The following UBA5 variants were observed in gnomAD, a reference collection of about 807,000 sequenced individuals.
UBA5 encodes the protein ubiquitin like modifier activating enzyme 5.
A neutral mutation model predicts 52.9 loss-of-function variants in UBA5; 28 were observed. That is an observed-to-expected ratio of 0.53 (90% CI 0.39 to 0.73). The LOEUF (loss-of-function observed/expected upper bound fraction) is 0.73. UBA5 is among the 30% of genes least tolerant of loss of function. The pLI, the probability that UBA5 is intolerant of heterozygous loss-of-function variation, is 0.00. For synonymous variants in UBA5, 135 were observed against 162.1 expected, an observed-to-expected ratio of 0.83 and a Z score of 1.27; for missense variants, 388 against 492.7, an observed-to-expected ratio of 0.79 and a Z score of 2.01.
Position 132,676,817 on chromosome 3 carries a change from G to C in UBA5, c.*291G>C, listed in dbSNP as rs1248477270. On this transcript the variant is annotated 3_prime_UTR_variant, in exon 12 of 12. Coordinates refer to ENST00000356232, the MANE Select transcript of UBA5 (RefSeq NM_024818.6). The surrounding 1 kb of genome is among the most constrained non-coding windows in gnomAD (Gnocchi z 4.1). ...AATGTTTTGGCCTTTTGGAGTGGGG[G>C]AAGGACAAATCTGATCCTGTAATCT... 6.2e-6 allele frequency: 3 copies of C among 484,124 alleles called. No homozygotes were observed. The highest frequency in any genetic ancestry group is 1.2e-5 in the Non-Finnish European group (3 of 245,280). 30.0% of individuals were successfully genotyped at this position (484,124 alleles called of 1,614,324 possible). A position where few individuals can be genotyped will look rare whatever the true frequency, so the allele number is the denominator to read the frequency against.
intron 4 of UBA5, 108 bp from the exon 5 acceptor site, chr3:132,670,087 CGAT>C (rs1472443022): frequency 6.5e-6 from 4 of 617,756 alleles, no homozygotes; most frequent in Non-Finnish European, 1.1e-5. Context: ...GCAGTGGGTG[CGAT>C]GATAGCTCGC....
chr3:132,660,279 A>G (rs1351051678), upstream of UBA5: 2 of 569,100 alleles, frequency 3.5e-6, no homozygotes, highest in South Asian at 4.1e-5. The surrounding 1 kb of genome is among the most constrained non-coding windows in gnomAD (Gnocchi z 4.1). Flanking sequence ...CCAGCGAGGA[A>G]GGAAGCCGAA....
rs2107954420 is a variant in UBA5 at position 132,677,460 on chromosome 3, G to A, written c.*934G>A. 6.6e-6 allele frequency: 1 copy of A among 152,422 alleles called. No homozygotes were observed. The highest frequency in any genetic ancestry group is 1.9e-4 in the East Asian group (1 of 5,190). The allele number at this position is 152,422 out of a possible 1,614,324, so 9.4% of individuals were successfully genotyped here. On this transcript the variant is annotated 3_prime_UTR_variant, in exon 12 of 12. Coordinates refer to ENST00000356232, the MANE Select transcript of UBA5 (RefSeq NM_024818.6). ...TTCTAAACTGCCTCTGCAATGACTT[G>A]TAGTCAGTGGAAGAGTATCACTTTC...
Position 132,678,473 on chromosome 3 carries a change from T to C in UBA5, c.*1947T>C, listed in dbSNP as rs1336919675. 1.3e-5 allele frequency among the ~76,000 whole-genome samples: 2 copies of C among 152,178 alleles called. No homozygotes were observed. Among genetic ancestry groups the C allele is most frequent in the Admixed American group, 6.5e-5 (1 of 15,268 alleles). Reference sequence around the variant, plus strand: ...GGCTTAGCACAGAGACTCTAAATGATAGTAAAACAACATATTCAACTTTAA... The same window carrying C: ...GGCTTAGCACAGAGACTCTAAATGACAGTAAAACAACATATTCAACTTTAA... On this transcript the variant is annotated 3_prime_UTR_variant, in exon 12 of 12. Coordinates refer to ENST00000356232, the MANE Select transcript of UBA5 (RefSeq NM_024818.6).
At position 132,675,827 on chromosome 3, in the gene UBA5, G is replaced by C; in HGVS notation, c.1035G>C (p.Leu345=). The change falls in exon 11 of 12, where the codon CTG becomes CTC. Residue 345 remains leucine, a synonymous_variant. Coordinates refer to ENST00000356232, the MANE Select transcript of UBA5 (RefSeq NM_024818.6). ...IHEDNEWGIE[L]VSEVSEEELK... ...GGATCAAATTTACAGGTATTGAGCT[G>C]GTATCTGAGGTTTCAGAAGAGGAAC... 1 of 1,609,402 alleles carries C rather than the reference G, an allele frequency of 6.2e-7. No homozygotes were observed. Among genetic ancestry groups the C allele is most frequent in the Non-Finnish European group, 8.5e-7 (1 of 1,178,122 alleles).
intron 1 of UBA5, among the ~76,000 whole-genome samples, chr3:132,665,124 T>G (rs148212754): frequency 6.6e-6 from 1 of 152,120 alleles, no homozygotes; most frequent in Admixed American, 6.5e-5. Context: ...GGATGAATGC[T>G]AAGAGCAAAA....
chr3:132,671,781 G>C lies in UBA5; in HGVS notation c.584G>C (p.Cys195Ser), dbSNP rs1179290110. ...TTTTCACCCATTTCTACTAAGGCTT[G>C]TAATGAACTTGGACAAACATGGATG... The part of the protein sequence containing the change: ...FEARMTINTA[C>S]NELGQTWMES... The change falls in exon 7 of 12, where the codon TGT becomes TCT. Residue 195 changes from cysteine (C) to serine (S), a missense_variant. By Grantham distance (112) the Cys-to-Ser change is moderately radical. Around this residue, in one of 3 missense-constraint regions of UBA5, gnomAD observed 277 missense variants for 326.4 expected, o/e 0.85. Transcript: ENST00000356232. 1 of 1,610,676 alleles carries C rather than the reference G, an allele frequency of 6.2e-7. No individual in the cohort carries two copies. The highest frequency in any genetic ancestry group is 8.5e-7 in the Non-Finnish European group (1 of 1,178,802).
chr3:132,675,611 G>A lies in UBA5; in HGVS notation c.955G>A (p.Val319Ile), dbSNP rs1285409679. The change falls in exon 10 of 12, where the codon GTA becomes ATA. Residue 319 changes from valine (V) to isoleucine (I), a missense_variant. By Grantham distance (29) the Val-to-Ile change is conservative. Around this residue, in one of 3 missense-constraint regions of UBA5, gnomAD observed 277 missense variants for 326.4 expected, o/e 0.85. Coordinates refer to ENST00000356232, the MANE Select transcript of UBA5 (RefSeq NM_024818.6). The part of the protein sequence containing the change: ...RKQQEEYKKK[V>I]AALPKQEVIQ... ...TGCTGTTTGATTTCTACAGAAAAAG[G>A]TAGCAGCACTGCCTAAACAAGAGGT... 5 of 1,611,130 alleles carry A rather than the reference G, an allele frequency of 3.1e-6. No individual in the cohort carries two copies. The highest frequency in any genetic ancestry group is 3.4e-6 in the Non-Finnish European group (4 of 1,178,792).
chr3:132,676,848 T>G lies in UBA5; in HGVS notation c.*322T>G, dbSNP rs574906774. ...CAAATCTGATCCTGTAATCTTTTTC[T>G]TTCCAGTAATCCCTTGTGTCTGTTG... On this transcript the variant is annotated 3_prime_UTR_variant, in exon 12 of 12. Coordinates refer to ENST00000356232, the MANE Select transcript of UBA5 (RefSeq NM_024818.6). The surrounding 1 kb of genome is among the most constrained non-coding windows in gnomAD (Gnocchi z 4.1). The G allele has an allele frequency of 2.8e-5, 13 of 465,962 alleles. No individual in the cohort carries two copies. The highest frequency in any genetic ancestry group is 2.0e-4 in the African/African-American group (10 of 50,660). 28.9% of individuals were successfully genotyped at this position (465,962 alleles called of 1,614,324 possible).
At chr3:132,662,916 A>G (rs1245505552) in intron 1 of UBA5, among the ~76,000 whole-genome samples, 1 of 152,172 alleles carries the variant, frequency 6.6e-6, no homozygotes, top group Non-Finnish European at 1.5e-5. Context: ...AGGGAGCATC[A>G]AGGTAAGGAT....
chr3:132,672,274 G>T, intron 8 of UBA5, 97 bp downstream of exon 8: 1 of 1,389,312 alleles, frequency 7.2e-7, no homozygotes, highest in South Asian at 1.5e-5. Context: ...TACAAGCTAA[G>T]TATATAATTT....
At position 132,678,321 on chromosome 3, in the gene UBA5, TAAG is replaced by T. The variant is rs1938919501; in HGVS notation, c.*1799_*1801del. ...AGTCTGTATGCCATGAAAACTTGCA[TAAG>T]AAGGCAGCTGATTACGAAAAATTAA... On this transcript the variant is annotated 3_prime_UTR_variant, in exon 12 of 12. Transcript: ENST00000356232. Among the ~76,000 whole-genome samples the T allele has an allele frequency of 6.6e-6, 1 of 152,210 alleles. No homozygotes were observed. Among genetic ancestry groups the T allele is most frequent in the Non-Finnish European group, 1.5e-5 (1 of 68,036 alleles).
chr3:132,654,521 A>C (rs1937676966), exon 1 of UBA5: 1 of 152,234 alleles, frequency 6.6e-6, no homozygotes. Context: ...AAGTCAGCTG[A>C]AGATAATGGC....
chr3:132,661,663 C>A (rs1053895279), intron 1 of UBA5, among the ~76,000 whole-genome samples: 14 of 152,112 alleles, frequency 9.2e-5, no homozygotes, highest in Non-Finnish European at 1.8e-4. Context: ...AATAATAAGG[C>A]CTGTCTTGCA....
chr3:132,675,061 GA>G (rs1255742764), intron 8 of UBA5, among the ~76,000 whole-genome samples, 186 bp from the exon 9 acceptor site: 2 of 152,004 alleles, frequency 1.3e-5, no homozygotes, highest in African/African-American at 4.8e-5. Flanking sequence ...AATAAACACT[GA>G]AGTATCTACT....
Position 132,675,677 on chromosome 3 carries a change from T to G in UBA5, c.1021T>G (p.Trp341Gly), listed in dbSNP as rs756337960. 1 of 1,608,872 alleles carries G rather than the reference T, an allele frequency of 6.2e-7. No homozygotes were observed. Among genetic ancestry groups the G allele is most frequent in the South Asian group, 1.1e-5 (1 of 90,578 alleles). ...EEEIIHEDNEWGIELVSEVSE... is the reference protein window; with the variant it reads ...EEEIIHEDNEGGIELVSEVSE... ...AGAGATAATCCATGAAGATAATGAA[T>G]GGGGTAGGTATTCTTTTATAAATTG... The change falls in exon 10 of 12, where the codon TGG becomes GGG. Residue 341 changes from tryptophan (W) to glycine (G), a missense_variant. By Grantham distance (184) the Trp-to-Gly change is radical. Around this residue, in one of 3 missense-constraint regions of UBA5, gnomAD observed 277 missense variants for 326.4 expected, o/e 0.85. Transcript: ENST00000356232.
chr3:132,656,432 A>G (rs1309341040), upstream of UBA5, among the ~76,000 whole-genome samples: 1 of 152,000 alleles, frequency 6.6e-6, no homozygotes, highest in African/African-American at 2.4e-5. Context: ...AATAGCAGCT[A>G]TACTAATTCA....
At chr3:132,675,183 T>C (rs1938782490) in intron 8 of UBA5, 65 bp from the exon 9 acceptor site, 1 of 1,207,026 alleles carries the variant, frequency 8.3e-7, no homozygotes, top group Admixed American at 2.4e-5. Context: ...TTTTAAAAAA[T>C]TTAGGTGTTC....
At chr3:132,662,459 A>G (rs1938208330) in intron 1 of UBA5, among the ~76,000 whole-genome samples, 2 of 152,204 alleles carry the variant, frequency 1.3e-5, no homozygotes, top group African/African-American at 4.8e-5. Flanking sequence ...AGAAAAGTAA[A>G]CATGCCATTG....
Sources: allele counts gnomAD v4.1 joint callset (sites outside exome capture counted in the v4.1 genomes callset), GRCh38; gene constraint gnomAD v4.1.1; regional missense constraint gnomAD v4.1.1; non-coding constraint Gnocchi (gnomAD v3.1); transcripts MANE v1.5; gene names NCBI Gene and HGNC (gene_info 2026-07-23, HGNC 2026-07-21).